The following NOL4 variants were observed in gnomAD, a reference collection of about 807,000 sequenced individuals.
NOL4 encodes the protein nucleolar protein 4, also known as cancer/testis antigen 125.
Under a neutral mutation model 75.9 loss-of-function variants are expected in NOL4, and 17 were observed. The ratio of observed to expected loss-of-function variants is 0.22; its 90% CI spans 0.15 to 0.34. The LOEUF is 0.34. Among genes scored for constraint, NOL4 ranks in the 10% least tolerant of loss-of-function variants. NOL4 has a pLI of 1.00. For synonymous variants in NOL4, 292 were observed against 289.9 expected (o/e 1.01, Z -0.07); for missense variants, 614 against 793.5 (o/e 0.77, Z 2.72).
intron 1 of NOL4, among the ~76,000 whole-genome samples, chr18:34,178,462 G>A (rs1037694709): frequency 1.3e-5 from 2 of 151,506 alleles, no homozygotes; most frequent in Admixed American, 1.3e-4. Context: ...TGCATACAAT[G>A]GACATATATG....
At chr18:33,925,944 A>T (rs1035446396) in intron 9 of NOL4, among the ~76,000 whole-genome samples, 18 of 152,200 alleles carry the variant, frequency 1.2e-4, no homozygotes, top group Admixed American at 7.2e-4. Context: ...AATGAGTCTA[A>T]TATGTCGTGT....
intron 1 of NOL4, among the ~76,000 whole-genome samples, chr18:34,204,333 C>A (rs1004783024): frequency 6.6e-6 from 1 of 152,016 alleles, no homozygotes; most frequent in South Asian, 2.1e-4. Context: ...CACTAGTCCC[C>A]AAAGCAATCT....
intron 6 of NOL4, among the ~76,000 whole-genome samples, chr18:33,989,377 G>T (rs1169021344): frequency 6.6e-6 from 1 of 151,708 alleles, no homozygotes; most frequent in Admixed American, 6.6e-5. Context: ...AAAATTTATA[G>T]CATACATGTA....
intron 1 of NOL4, among the ~76,000 whole-genome samples, chr18:34,143,238 CTATT>C (rs1259383867): frequency 3.3e-5 from 5 of 152,048 alleles, no homozygotes; most frequent in African/African-American, 4.8e-5. Context: ...GTGCTGGTAA[CTATT>C]TAAGACTGTC....
chr18:34,213,871 A>G (rs976784993), intron 1 of NOL4, among the ~76,000 whole-genome samples: 1 of 152,222 alleles, frequency 6.6e-6, no homozygotes, highest in Non-Finnish European at 1.5e-5. Flanking sequence ...AAAATTTAGA[A>G]TATTGCATTC....
intron 5 of NOL4, among the ~76,000 whole-genome samples, chr18:34,032,798 A>T (rs2144679553): frequency 6.6e-6 from 1 of 152,244 alleles, no homozygotes; most frequent in Non-Finnish European, 1.5e-5. Context: ...CCACTCTGGG[A>T]CCCAAGGACA....
intron 2 of NOL4, among the ~76,000 whole-genome samples, chr18:34,122,023 G>A (rs533934870): frequency 4.3e-4 from 66 of 152,246 alleles, no homozygotes; most frequent in African/African-American, 1.5e-3. Flanking sequence ...AATATATCAC[G>A]TCTATGTATT....
At chr18:34,197,755 G>A (rs2035439029) in intron 1 of NOL4, among the ~76,000 whole-genome samples, 1 of 151,856 alleles carries the variant, frequency 6.6e-6, no homozygotes, top group African/African-American at 2.4e-5. Flanking sequence ...CATAGGAAAA[G>A]GCCTTTGTAG....
At chr18:33,889,780 C>T (rs2064988983) in intron 9 of NOL4, among the ~76,000 whole-genome samples, 1 of 152,096 alleles carries the variant, frequency 6.6e-6, no homozygotes, top group Non-Finnish European at 1.5e-5. Context: ...AATCCAATGA[C>T]ATAAATCACA....
At chr18:34,102,507 G>A (rs557752290) in intron 4 of NOL4, among the ~76,000 whole-genome samples, 57 of 152,038 alleles carry the variant, frequency 3.7e-4, no homozygotes, top group African/African-American at 8.2e-4. Flanking sequence ...TTAAGGAAGC[G>A]TGACATCCAA....
intron 8 of NOL4, among the ~76,000 whole-genome samples, chr18:33,951,362 C>T (rs915476976): frequency 1.8e-4 from 27 of 151,950 alleles, no homozygotes; most frequent in African/African-American, 5.8e-4. Context: ...GGCTGGTTTT[C>T]GGTTGTAGAT....
chr18:34,023,566 C>T, intron 5 of NOL4: 1 of 446,984 alleles, frequency 2.2e-6, no homozygotes, highest in Non-Finnish European at 4.5e-6. Flanking sequence ...AGCCTGGGTA[C>T]CATAGCATTT....
chr18:33,922,556 A>T (rs935748187), intron 9 of NOL4, among the ~76,000 whole-genome samples: 1 of 152,196 alleles, frequency 6.6e-6, no homozygotes, highest in East Asian at 1.9e-4. Context: ...GCTGTATTAC[A>T]GAGACCTTTA....
intron 1 of NOL4, among the ~76,000 whole-genome samples, chr18:34,175,564 T>C (rs1211033966): frequency 6.6e-6 from 1 of 152,152 alleles, no homozygotes; most frequent in Non-Finnish European, 1.5e-5. Context: ...CTTTCACCTC[T>C]GACTGAACTT....
At chr18:34,054,303 A>T (rs2076743479) in intron 5 of NOL4, among the ~76,000 whole-genome samples, 1 of 151,840 alleles carries the variant, frequency 6.6e-6, no homozygotes, top group Non-Finnish European at 1.5e-5. Context: ...TGGGGTATTG[A>T]AGTCTCCTAC....
At chr18:33,919,602 G>A (rs767388760) in intron 9 of NOL4, among the ~76,000 whole-genome samples, 5 of 152,152 alleles carry the variant, frequency 3.3e-5, no homozygotes, top group Non-Finnish European at 5.9e-5. Context: ...ACTTTAGAAC[G>A]GAAGATATAA....
chr18:33,890,416 G>A (rs922412815), intron 9 of NOL4, among the ~76,000 whole-genome samples: 3 of 152,054 alleles, frequency 2.0e-5, no homozygotes, highest in African/African-American at 4.8e-5. Flanking sequence ...TCATGGATAC[G>A]AAGAATCAAT....
chr18:33,886,993 C>A (rs1463315581), intron 9 of NOL4, among the ~76,000 whole-genome samples: 1 of 134,908 alleles, frequency 7.4e-6, no homozygotes, highest in Admixed American at 7.9e-5. Flanking sequence ...ATCTATATAT[C>A]TAGATATATC....
At chr18:33,909,120 C>T (rs1010121053) in intron 9 of NOL4, among the ~76,000 whole-genome samples, 14 of 152,232 alleles carry the variant, frequency 9.2e-5, no homozygotes, top group Middle Eastern at 3.4e-3. Flanking sequence ...AAAATATGCA[C>T]ATATGCACCT....
Sources: allele counts gnomAD v4.1 joint callset (sites outside exome capture counted in the v4.1 genomes callset), GRCh38; gene constraint gnomAD v4.1.1; transcripts MANE v1.5; gene names NCBI Gene and HGNC (gene_info 2026-07-23, HGNC 2026-07-21).